The following SDK1 variants were observed in gnomAD, a reference collection of about 807,000 sequenced individuals.
SDK1 encodes the protein protein sidekick-1.
In SDK1, 157 loss-of-function variants were observed where a neutral mutation model predicts 245.5. The observed-to-expected ratio is 0.64, with a 90% CI of 0.56 to 0.73. The LOEUF (loss-of-function observed/expected upper bound fraction) is 0.73. SDK1 is among the 30% of genes least tolerant of loss of function. The pLI is 0.00. For missense variants in SDK1, 3,583 were observed against 3,002.3 expected (o/e 1.19, Z -4.52); for synonymous variants, 1,647 against 1,278.5 (o/e 1.29, Z -6.15).
chr7:4,203,975 G>T (rs1033863921), intron 35 of SDK1, among the ~76,000 whole-genome samples: 1 of 152,356 alleles, frequency 6.6e-6, no homozygotes, highest in South Asian at 2.1e-4. Flanking sequence ...GGGCATGCGG[G>T]CCCCTAATTT....
At chr7:3,658,777 A>C (rs983184920) in intron 4 of SDK1, among the ~76,000 whole-genome samples, 28 of 151,900 alleles carry the variant, frequency 1.8e-4, no homozygotes, top group African/African-American at 6.8e-4. Context: ...ACCACACCTG[A>C]CTAATGTTTT....
intron 5 of SDK1, among the ~76,000 whole-genome samples, chr7:3,912,527 G>A (rs113242084): frequency 1.2e-4 from 18 of 152,198 alleles, no homozygotes; most frequent in Non-Finnish European, 2.2e-4. Context: ...TTTATCCGGG[G>A]AAGAGGTACT....
At position 3,720,971 on chromosome 7, in the gene SDK1, TTGAG is replaced by T. The variant is rs576094943; in HGVS notation, c.713+78871_713+78874del. On this transcript the variant is annotated intron_variant, in intron 4 of 44. Coordinates refer to ENST00000404826, the MANE Select transcript of SDK1 (RefSeq NM_152744.4). ...TGGGATAGACCTCAAGAGAGTTATA[TTGAG>T]TGAGAAAAGCCAATCTCAAATGGTC... 1.2e-4 allele frequency among the ~76,000 whole-genome samples: 19 copies of T among 152,360 alleles called. No homozygotes were observed. In the East Asian group the frequency reaches 3.3e-3, roughly 26 times the overall value.
chr7:3,669,963 A>G (rs915102158), intron 4 of SDK1, among the ~76,000 whole-genome samples: 4 of 152,220 alleles, frequency 2.6e-5, no homozygotes, highest in Non-Finnish European at 5.9e-5. Context: ...GAACCAAGGA[A>G]TTATCCTTGA....
At chr7:3,346,568 C>G (rs1780502475) in intron 1 of SDK1, among the ~76,000 whole-genome samples, 1 of 150,828 alleles carries the variant, frequency 6.6e-6, no homozygotes, top group Non-Finnish European at 1.5e-5. Flanking sequence ...GGCTGGAGCT[C>G]AGTGATGTGA....
At chr7:3,789,607 G>C (rs1440206495) in intron 4 of SDK1, among the ~76,000 whole-genome samples, 3 of 152,200 alleles carry the variant, frequency 2.0e-5, no homozygotes, top group African/African-American at 7.2e-5. Flanking sequence ...TGACAGGTTG[G>C]AAAAGTGTAT....
chr7:3,477,070 T>G (rs1458455783), intron 1 of SDK1, among the ~76,000 whole-genome samples: 2 of 152,182 alleles, frequency 1.3e-5, no homozygotes, highest in African/African-American at 4.8e-5. Context: ...GATTGTGACC[T>G]TCCTCTGTAC....
intron 5 of SDK1, among the ~76,000 whole-genome samples, chr7:3,849,998 T>C (rs73674314): frequency 0.062 from 9,490 of 152,252 alleles, 956 homozygotes; most frequent in African/African-American, 0.21. Flanking sequence ...CATTCACAAG[T>C]TGAGAAAGGA....
At chr7:4,195,949 C>T (rs539007076) in intron 35 of SDK1, among the ~76,000 whole-genome samples, 1 of 152,210 alleles carries the variant, frequency 6.6e-6, no homozygotes, top group African/African-American at 2.4e-5. Context: ...CTCCACCACA[C>T]CCACGCATTA....
chr7:3,750,762 T>C lies in SDK1; in HGVS notation c.714-70688T>C, dbSNP rs552991482. Among the ~76,000 whole-genome samples, 200 of 152,302 alleles carry C rather than the reference T, an allele frequency of 1.3e-3. 2 individuals are homozygous for C. The highest frequency in any genetic ancestry group is 4.7e-3 in the African/African-American group (195 of 41,570). On this transcript the variant is annotated intron_variant, in intron 4 of 44. Transcript: ENST00000404826. The stretch of plus-strand genomic sequence containing the variant: ...CACTGAAGTTTGGCCATGCAAAGAA[T>C]CTTTGTCAGTAAATACTAGTGAAAT...
intron 5 of SDK1, among the ~76,000 whole-genome samples, chr7:3,935,510 C>T (rs1780126099): frequency 6.6e-6 from 1 of 152,072 alleles, no homozygotes; most frequent in South Asian, 2.1e-4. Context: ...AGACTATACA[C>T]AGAATTCCTA....
At chr7:4,197,310 A>G (rs1038119459) in intron 35 of SDK1, among the ~76,000 whole-genome samples, 2 of 150,530 alleles carry the variant, frequency 1.3e-5, no homozygotes, top group East Asian at 3.9e-4. Flanking sequence ...AAAAAAAAAG[A>G]AAAAGAAAAG....
At chr7:4,061,326 G>T (rs1779525515) in intron 19 of SDK1, among the ~76,000 whole-genome samples, 1 of 152,060 alleles carries the variant, frequency 6.6e-6, no homozygotes, top group Non-Finnish European at 1.5e-5. Context: ...ATTGAGCAGT[G>T]GTTTGTAGTT....
At chr7:3,631,498 C>A (rs1034197327) in intron 2 of SDK1, among the ~76,000 whole-genome samples, 1 of 152,190 alleles carries the variant, frequency 6.6e-6, no homozygotes, top group Non-Finnish European at 1.5e-5. Flanking sequence ...CTCCTGTCCT[C>A]TATGAATTGC....
At chr7:3,802,885 GT>G (rs1158107010) in intron 4 of SDK1, among the ~76,000 whole-genome samples, 2 of 152,064 alleles carry the variant, frequency 1.3e-5, no homozygotes, top group African/African-American at 2.4e-5. Flanking sequence ...TTTTGTTTTT[GT>G]TTCATCCCAA....
rs370243311 is a variant in SDK1, at chr7:4,222,907, G to A, written c.5827+1543G>A. 1.5e-4 allele frequency among the ~76,000 whole-genome samples: 23 copies of A among 152,198 alleles called. No homozygotes were observed. In the East Asian group the frequency reaches 3.7e-3, roughly 24 times the overall value. On this transcript the variant is annotated intron_variant, in intron 40 of 44. Transcript: ENST00000404826. The stretch of plus-strand genomic sequence containing the variant: ...TTCAGAGACTGACAGGAGCTGAGAC[G>A]TGTGGGTTCTGGGGCCAAATTGAGG...
chr7:4,028,464 C>T (rs1246967852), intron 17 of SDK1, among the ~76,000 whole-genome samples: 1 of 152,162 alleles, frequency 6.6e-6, no homozygotes, highest in African/African-American at 2.4e-5. Context: ...AACTGTGTCT[C>T]AGGAAACTCT....
chr7:4,067,438 A>G (rs1164324482), intron 19 of SDK1, among the ~76,000 whole-genome samples: 1 of 152,170 alleles, frequency 6.6e-6, no homozygotes, highest in Non-Finnish European at 1.5e-5. Flanking sequence ...TGGTTTGCAC[A>G]AGGTTACAGA....
At chr7:3,562,444 TGAGA>T (rs1562564651) in intron 1 of SDK1, among the ~76,000 whole-genome samples, 1 of 152,160 alleles carries the variant, frequency 6.6e-6, no homozygotes, top group Non-Finnish European at 1.5e-5. Flanking sequence ...TGTTAGCTAT[TGAGA>T]AAGAATAAAA....
Sources: gnomAD v4.1 joint callset for allele counts (sites outside exome capture counted in the v4.1 genomes callset) on GRCh38, gnomAD v4.1.1 for gene constraint, MANE v1.5 for transcripts, NCBI Gene and HGNC (gene_info 2026-07-23, HGNC 2026-07-21) for gene names.